The following ULK4 variants were observed in gnomAD, a reference collection of about 807,000 sequenced individuals.
ULK4 encodes inactive serine/threonine-protein kinase ULK4.
ULK4 carries 133 observed loss-of-function variants against 160.6 expected under a neutral mutation model. That is an observed-to-expected ratio of 0.83 (90% confidence interval 0.72 to 0.96). The LOEUF (loss-of-function observed/expected upper bound fraction) is 0.96. ULK4 is among the 40% of genes least tolerant of loss of function. ULK4 has a pLI of 0.00. For synonymous variants in ULK4, 534 were observed against 539.8 expected, an observed-to-expected ratio of 0.99 and a Z score of 0.15; for missense variants, 1,580 against 1,499.5, an observed-to-expected ratio of 1.05 and a Z score of -0.89.
At chr3:41,473,305 T>C (rs1269949296) in intron 32 of ULK4, among the ~76,000 whole-genome samples, 6 of 152,106 alleles carry the variant, frequency 3.9e-5, no homozygotes, top group Non-Finnish European at 8.8e-5. Flanking sequence ...TGTTGCTGTT[T>C]GTCAACAATA....
At chr3:41,689,493 C>G (rs1044698956) in intron 27 of ULK4, among the ~76,000 whole-genome samples, 13 of 152,236 alleles carry the variant, frequency 8.5e-5, no homozygotes, top group Non-Finnish European at 1.3e-4. Flanking sequence ...TACCATCAGA[C>G]TGGACAGGCA....
chr3:41,419,858 AG>A lies in ULK4; in HGVS notation c.3493-21595del, dbSNP rs940746800. 3.5e-4 allele frequency among the ~76,000 whole-genome samples: 53 copies of A among 151,942 alleles called. 1 individual carries two copies. Among genetic ancestry groups the A allele is most frequent in the Admixed American group, 1.5e-3 (23 of 15,264 alleles). On this transcript the variant is annotated intron_variant, in intron 34 of 36. Transcript: ENST00000301831. ...CCTCTTTCCATCTCTTCCTGAGGCCAGGGGTGCTGCGGGGTTTCTGTGGGGA... is the reference window on the plus strand; with the variant it reads ...CCTCTTTCCATCTCTTCCTGAGGCCAGGGTGCTGCGGGGTTTCTGTGGGGA...
chr3:41,813,084 T>A (rs2040864646), intron 19 of ULK4, among the ~76,000 whole-genome samples: 1 of 152,198 alleles, frequency 6.6e-6, no homozygotes, highest in Non-Finnish European at 1.5e-5. Flanking sequence ...ATATGCTGTA[T>A]TTAAAAATGT....
At chr3:41,819,577 T>C in intron 18 of ULK4, 71 bp from the exon 19 acceptor site, 2 of 1,324,934 alleles carry the variant, frequency 1.5e-6, no homozygotes, top group Non-Finnish European at 2.1e-6. Context: ...TTCAAGCAAA[T>C]GGCACAGCTC....
chr3:41,669,506 C>T (rs547047022), intron 29 of ULK4, among the ~76,000 whole-genome samples: 6 of 152,320 alleles, frequency 3.9e-5, no homozygotes, highest in African/African-American at 1.2e-4. Flanking sequence ...GATCCTCCCG[C>T]CTTGGCCTCC....
chr3:41,565,991 A>G, intron 32 of ULK4, 34 bp downstream of exon 32: 1 of 1,569,622 alleles, frequency 6.4e-7, no homozygotes, highest in South Asian at 1.1e-5. Flanking sequence ...AATAGGCAAA[A>G]CTTGATCAGA....
intron 27 of ULK4, among the ~76,000 whole-genome samples, chr3:41,689,782 C>G (rs1194324497): frequency 1.3e-5 from 2 of 151,950 alleles, no homozygotes; most frequent in Non-Finnish European, 2.9e-5. Context: ...ATTAAAAAGT[C>G]AGGAAACAAC....
intron 35 of ULK4, among the ~76,000 whole-genome samples, chr3:41,382,071 C>T (rs2081665980): frequency 1.3e-5 from 2 of 152,170 alleles, no homozygotes; most frequent in African/African-American, 2.4e-5. Flanking sequence ...CTCAGAGAGG[C>T]CTTCCCTAGT....
At chr3:41,613,474 T>G (rs1174763865) in intron 31 of ULK4, among the ~76,000 whole-genome samples, 1 of 151,808 alleles carries the variant, frequency 6.6e-6, no homozygotes, top group Non-Finnish European at 1.5e-5. Flanking sequence ...AAAACACCAT[T>G]GATTTGGAAA....
intron 31 of ULK4, among the ~76,000 whole-genome samples, chr3:41,601,213 TA>T (rs2032037041): frequency 6.6e-6 from 1 of 152,096 alleles, no homozygotes; most frequent in Non-Finnish European, 1.5e-5. Flanking sequence ...ATAACGACAT[TA>T]AAAATATTTT....
chr3:41,307,088 T>C (rs2079958836), intron 35 of ULK4, among the ~76,000 whole-genome samples: 1 of 150,870 alleles, frequency 6.6e-6, no homozygotes, highest in South Asian at 2.1e-4. Context: ...CCCTCCACTA[T>C]TGTCCTATGA....
chr3:41,300,260 C>T (rs775942495), intron 35 of ULK4, among the ~76,000 whole-genome samples: 10 of 152,072 alleles, frequency 6.6e-5, no homozygotes, highest in Admixed American at 2.0e-4. Context: ...TTTGAAACTG[C>T]AAAGAACTAA....
At position 41,770,428 on chromosome 3, in the gene ULK4, T is replaced by C. The variant is rs180915580; in HGVS notation, c.2194-15940A>G. 3.8e-3 allele frequency among the ~76,000 whole-genome samples: 576 copies of C among 152,046 alleles called. 7 individuals are homozygous for C. The highest frequency in any genetic ancestry group is 0.013 in the African/African-American group (527 of 41,464). ...ACCACTTGTTACTCCTTCACATCCA[T>C]AAAATAATCTTCCTAATGCTACAGA... On this transcript the variant is annotated intron_variant, in intron 21 of 36. Transcript: ENST00000301831.
At position 41,463,070 on chromosome 3, in the gene ULK4, G is replaced by A. The variant is rs2083730088; in HGVS notation, c.3393+17C>T. 1 of 1,610,986 alleles carries A rather than the reference G, an allele frequency of 6.2e-7. No homozygotes were observed. Among genetic ancestry groups the A allele is most frequent in the Admixed American group, 1.7e-5 (1 of 59,918 alleles). On this transcript the variant is annotated intron_variant, in intron 33 of 36. Transcript: ENST00000301831. ...TGGAGTAGGGCTGCTCAAGACACAGGAAAACAGATCCTCTACCTGCAAAGC... is the reference window on the plus strand; with the variant it reads ...TGGAGTAGGGCTGCTCAAGACACAGAAAAACAGATCCTCTACCTGCAAAGC...
chr3:41,361,602 T>C (rs1483605724), intron 35 of ULK4, among the ~76,000 whole-genome samples: 1 of 152,242 alleles, frequency 6.6e-6, no homozygotes, highest in Non-Finnish European at 1.5e-5. Flanking sequence ...ACAACACTAC[T>C]ATGAGATAAG....
chr3:41,883,217 G>A (rs557402906), intron 17 of ULK4, among the ~76,000 whole-genome samples: 1 of 152,122 alleles, frequency 6.6e-6, no homozygotes, highest in African/African-American at 2.4e-5. Context: ...CCAAATACCA[G>A]TTGGCTACTA....
intron 5 of ULK4, among the ~76,000 whole-genome samples, chr3:41,925,825 G>GA (rs1018111614): frequency 8.0e-5 from 12 of 150,636 alleles, no homozygotes; most frequent in East Asian, 2.0e-4. Flanking sequence ...CAGCATCTCT[G>GA]AAAAAAAAAG....
intron 34 of ULK4, among the ~76,000 whole-genome samples, chr3:41,413,084 G>A (rs56902296): frequency 0.35 from 53,829 of 151,922 alleles, 10,260 homozygotes; most frequent in South Asian, 0.51. Flanking sequence ...CAATCATGGC[G>A]GAAGGTGAAA....
intron 30 of ULK4, among the ~76,000 whole-genome samples, chr3:41,631,186 C>G (rs976801018): frequency 6.6e-6 from 1 of 152,154 alleles, no homozygotes; most frequent in African/African-American, 2.4e-5. Context: ...TGGCAGAAGT[C>G]TTACCATTAA....
Sources: gnomAD v4.1 joint callset for allele counts (sites outside exome capture counted in the v4.1 genomes callset) on GRCh38, gnomAD v4.1.1 for gene constraint, MANE v1.5 for transcripts, NCBI Gene and HGNC (gene_info 2026-07-23, HGNC 2026-07-21) for gene names.